EGF: variants seen among roughly 807,000 people sequenced by gnomAD.
EGF encodes pro-epidermal growth factor.
In EGF, 95 loss-of-function variants were observed where a neutral mutation model predicts 143.8. The ratio of observed to expected loss-of-function variants is 0.66; its 90% CI spans 0.56 to 0.78. The LOEUF is 0.78. Among genes scored for constraint, EGF ranks in the 30% least tolerant of loss-of-function variants. The pLI, the probability that EGF is intolerant of heterozygous loss-of-function variation, is 0.00. For missense variants in EGF, 1,320 were observed against 1,470.9 expected (o/e 0.90, Z 1.68); for synonymous variants, 510 against 510.5 (o/e 1.00, Z 0.01).
intron 1 of EGF, among the ~76,000 whole-genome samples, chr4:109,940,166 C>T (rs1347074048): frequency 2.0e-5 from 3 of 152,120 alleles, no homozygotes; most frequent in Non-Finnish European, 4.4e-5. Flanking sequence ...TCACCTAGAA[C>T]AGGAGAGGAC....
intron 1 of EGF, among the ~76,000 whole-genome samples, chr4:109,936,332 A>C (rs1244337364): frequency 1.3e-5 from 2 of 152,140 alleles, no homozygotes; most frequent in East Asian, 3.9e-4. Flanking sequence ...GTTTATTTGC[A>C]TAGAGGTGTT....
Position 109,999,790 on chromosome 4 carries a change from C to T in EGF, c.3117C>T (p.Cys1039=), listed in dbSNP as rs1560763532. The change falls in exon 21 of 24, where the codon TGC becomes TGT. Residue 1039 remains cysteine (C), a synonymous_variant. Coordinates refer to ENST00000265171, the MANE Select transcript of EGF (RefSeq NM_001963.6). ...AGAAGGTCATCGTGGTGGCTGTCTG[C>T]GTGGTGGTGCTTGTCATGCTGCTCC... ...QQQKVIVVAV[C]VVVLVMLLLL... 5 of 1,613,990 alleles carry T rather than the reference C, an allele frequency of 3.1e-6. No individual in the cohort carries two copies. The highest frequency in any genetic ancestry group is 1.3e-5 in the African/African-American group (1 of 75,022).
intron 9 of EGF, among the ~76,000 whole-genome samples, chr4:109,963,551 T>G (rs1746054377): frequency 6.6e-6 from 1 of 152,214 alleles, no homozygotes; most frequent in African/African-American, 2.4e-5. Flanking sequence ...TTTTAGTATA[T>G]GAGAAAGTCA....
At position 109,913,362 on chromosome 4, in the gene EGF, G is replaced by A; in HGVS notation, c.27G>A (p.Leu9=). ...TGCTGCTCACTCTTATCATTCTGTT[G>A]CCAGTAGTTTCAAAATTTAGTTTTG... MLLTLIIL[L]PVVSKFSFVS... Residue 9 remains leucine (L), a synonymous_variant, in exon 1 of 24, where the codon TTG becomes TTA. Transcript: ENST00000265171. The A allele has an allele frequency of 6.2e-7, 1 of 1,613,928 alleles. No individual in the cohort carries two copies. The highest frequency in any genetic ancestry group is 8.5e-7 in the Non-Finnish European group (1 of 1,179,882).
intron 2 of EGF, among the ~76,000 whole-genome samples, chr4:109,942,376 A>T (rs1311024095): frequency 1.3e-5 from 2 of 152,182 alleles, no homozygotes; most frequent in Non-Finnish European, 2.9e-5. Context: ...AGGTAATTGC[A>T]GTTTTGGCCA....
At chr4:109,958,230 G>T (rs377653003) in intron 5 of EGF, among the ~76,000 whole-genome samples, 2 of 152,120 alleles carry the variant, frequency 1.3e-5, no homozygotes, top group East Asian at 3.9e-4. Flanking sequence ...CATAGTGCTT[G>T]GCATGTGGCA....
At chr4:109,995,356 T>C (rs912986445) in intron 20 of EGF, among the ~76,000 whole-genome samples, 1 of 152,242 alleles carries the variant, frequency 6.6e-6, no homozygotes, top group African/African-American at 2.4e-5. Context: ...TAATCATATG[T>C]ATATTTTTTC....
At chr4:109,946,683 T>G (rs1049710891) in intron 5 of EGF, among the ~76,000 whole-genome samples, 1 of 152,202 alleles carries the variant, frequency 6.6e-6, no homozygotes, top group Non-Finnish European at 1.5e-5. Context: ...TTTTGTTTGT[T>G]TTTTTAGCCA....
At chr4:109,993,048 T>C (rs1361332511) in intron 18 of EGF, among the ~76,000 whole-genome samples, 199 bp from the exon 19 acceptor site, 1 of 151,940 alleles carries the variant, frequency 6.6e-6, no homozygotes, top group Non-Finnish European at 1.5e-5. Context: ...TATACATATG[T>C]AACAAACCTG....
At chr4:109,938,649 G>A (rs1006801982) in intron 1 of EGF, among the ~76,000 whole-genome samples, 5 of 152,152 alleles carry the variant, frequency 3.3e-5, no homozygotes, top group Non-Finnish European at 5.9e-5. Context: ...CCATCTTAGC[G>A]GTTTTATCTA....
chr4:110,005,327 T>G (rs1753130957), intron 22 of EGF, among the ~76,000 whole-genome samples: 1 of 152,098 alleles, frequency 6.6e-6, no homozygotes, highest in Admixed American at 6.5e-5. Flanking sequence ...ATTGCAGGCA[T>G]GAGCCACTGC....
intron 20 of EGF, 122 bp downstream of exon 20, chr4:109,995,002 TA>T (rs1751569047): frequency 4.0e-6 from 5 of 1,258,688 alleles, no homozygotes; most frequent in Non-Finnish European, 5.7e-6. Flanking sequence ...TGGAAAAATA[TA>T]AACATACACA....
At chr4:109,932,884 T>C (rs1470284557) in intron 1 of EGF, among the ~76,000 whole-genome samples, 3 of 152,102 alleles carry the variant, frequency 2.0e-5, no homozygotes, top group Non-Finnish European at 4.4e-5. Flanking sequence ...GTTTAAGGTG[T>C]CTCTTCCTAG....
chr4:109,933,812 C>T (rs1740256537), intron 1 of EGF, among the ~76,000 whole-genome samples: 2 of 152,162 alleles, frequency 1.3e-5, no homozygotes, highest in Admixed American at 1.3e-4. Flanking sequence ...TTTCTTTATG[C>T]AGTCTATTAT....
At chr4:109,927,598 CT>C (rs1446419429) in intron 1 of EGF, among the ~76,000 whole-genome samples, 1 of 151,746 alleles carries the variant, frequency 6.6e-6, no homozygotes, top group East Asian at 1.9e-4. Context: ...GTGGCGGGCG[CT>C]TGTGGTCCCA....
intron 15 of EGF, among the ~76,000 whole-genome samples, chr4:109,981,667 G>A (rs770881805): frequency 1.3e-5 from 2 of 151,926 alleles, no homozygotes; most frequent in Non-Finnish European, 2.9e-5. Context: ...GGTAGGCATG[G>A]TGTAAATATA....
intron 1 of EGF, among the ~76,000 whole-genome samples, chr4:109,929,938 G>A (rs1739390443): frequency 6.6e-6 from 1 of 152,200 alleles, no homozygotes; most frequent in African/African-American, 2.4e-5. Flanking sequence ...TTGAGGGAGA[G>A]ACCTGGTGGG....
chr4:109,916,621 AT>A (rs912458603), intron 1 of EGF, among the ~76,000 whole-genome samples: 6 of 150,276 alleles, frequency 4.0e-5, no homozygotes, highest in African/African-American at 7.3e-5. Flanking sequence ...TCTAGGCCTT[AT>A]TTTTTTTTAA....
chr4:109,979,894 A>G, intron 13 of EGF, 78 bp from the exon 14 acceptor site: 1 of 1,558,920 alleles, frequency 6.4e-7, no homozygotes, highest in Non-Finnish European at 8.8e-7. Context: ...TGTTGTGTAA[A>G]TTTCAAGCCT....
Sources: gnomAD v4.1 joint callset for allele counts (sites outside exome capture counted in the v4.1 genomes callset) on GRCh38, gnomAD v4.1.1 for gene constraint, MANE v1.5 for transcripts, NCBI Gene and HGNC (gene_info 2026-07-23, HGNC 2026-07-21) for gene names.